The following ELAVL2 variants were observed in gnomAD, a reference collection of about 807,000 sequenced individuals.
ELAVL2 encodes the protein ELAV like RNA binding protein 2, also known as ELAV-like protein 2.
ELAVL2 carries 4 observed loss-of-function variants against 34.6 expected under a neutral mutation model. The observed-to-expected ratio is 0.12, with a 90% CI of 0.06 to 0.26. The LOEUF (loss-of-function observed/expected upper bound fraction) is 0.26. ELAVL2 is among the 10% of genes least tolerant of loss of function. The pLI, the probability that ELAVL2 is intolerant of heterozygous loss-of-function variation, is 1.00. For missense variants in ELAVL2, 432 were observed against 442.8 expected, an observed-to-expected ratio of 0.98 and a Z score of 0.22; for synonymous variants, 193 against 154.8, an observed-to-expected ratio of 1.25 and a Z score of -1.83.
chr9:23,736,334 T>A (rs1564171129), intron 2 of ELAVL2, among the ~76,000 whole-genome samples: 1 of 152,172 alleles, frequency 6.6e-6, no homozygotes. Flanking sequence ...ATTCAATAAC[T>A]ATGGGAACCA....
At chr9:23,834,851 T>A in the ELAVL2 span, among the ~76,000 whole-genome samples, 8 of 152,066 alleles carry the variant, frequency 5.3e-5, no homozygotes, top group African/African-American at 1.7e-4. Flanking sequence ...GTCTTCAAAA[T>A]GGAACTGAGT....
At chr9:23,771,339 C>T (rs1253740584) in intron 1 of ELAVL2, among the ~76,000 whole-genome samples, 2 of 152,038 alleles carry the variant, frequency 1.3e-5, no homozygotes, top group Non-Finnish European at 2.9e-5. Flanking sequence ...ATTTACTATG[C>T]TCTGGACACT....
chr9:23,848,899 T>C, the ELAVL2 span, among the ~76,000 whole-genome samples: 3 of 152,158 alleles, frequency 2.0e-5, no homozygotes, highest in Non-Finnish European at 2.9e-5. Flanking sequence ...GCAGGTCCAT[T>C]CCAATTTAGG....
At chr9:23,808,817 C>T (rs1220304839) in intron 1 of ELAVL2, among the ~76,000 whole-genome samples, 1 of 151,986 alleles carries the variant, frequency 6.6e-6, no homozygotes, top group Admixed American at 6.6e-5. Context: ...GGTAAAGTTC[C>T]AGAAAATTCC....
rs759539991 is a variant in ELAVL2, at chr9:23,692,816, G to C, written c.821C>G (p.Thr274Arg). Residue 274 changes from threonine to arginine, a missense_variant, in exon 7 of 7, where the codon ACA (threonine) becomes AGA (arginine). Thr to Arg is a moderately conservative substitution (Grantham distance 71). This residue lies in a region of ELAVL2 where 295 missense variants were observed against 306.1 expected (regional missense o/e 0.96). Coordinates refer to ENST00000397312, the MANE Select transcript of ELAVL2 (RefSeq NM_004432.5). Reference sequence around the variant, plus strand: ...GTTGTACACAAATATACACCACCCTGTTCCAGGGTGCCCAGGGATATTAAT... The same window carrying C: ...GTTGTACACAAATATACACCACCCTCTTCCAGGGTGCCCAGGGATATTAAT... ...AGINIPGHPG[T>R]GWCIFVYNLA... 1.9e-6 allele frequency: 3 copies of C among 1,614,034 alleles called. No homozygotes were observed. The highest frequency in any genetic ancestry group is 1.7e-6 in the Non-Finnish European group (2 of 1,180,008).
Position 23,762,396 on chromosome 9 carries a change from C to G in ELAVL2, c.-15-147G>C. The G allele has an allele frequency of 5.1e-6, 5 of 979,620 alleles. No individual in the cohort carries two copies. In the Admixed American group the frequency reaches 1.1e-4, roughly 22 times the overall value. The allele number at this position is 979,620 out of a possible 1,614,324, so 60.7% of individuals were successfully genotyped here. ...TTCAACAAAAAGTGTAATACCTACA[C>G]TAATTTTCACTTCATATTAACCTAT... is the stretch of plus-strand genomic sequence containing the variant. On this transcript the variant is annotated intron_variant, in intron 1 of 6. Coordinates refer to ENST00000397312, the MANE Select transcript of ELAVL2 (RefSeq NM_004432.5).
chr9:23,785,854 C>G (rs531858938), intron 1 of ELAVL2, among the ~76,000 whole-genome samples: 4 of 152,148 alleles, frequency 2.6e-5, no homozygotes, highest in Non-Finnish European at 5.9e-5. Context: ...GGGTCCCACT[C>G]AAAAATAAAG....
intron 1 of ELAVL2, among the ~76,000 whole-genome samples, chr9:23,822,559 A>G (rs1353248815): frequency 6.6e-6 from 1 of 152,136 alleles, no homozygotes; most frequent in Non-Finnish European, 1.5e-5. Context: ...CCTTTTCCCC[A>G]GAAAAACCTG....
chr9:23,734,214 A>C (rs1356520050), intron 2 of ELAVL2, among the ~76,000 whole-genome samples: 1 of 152,238 alleles, frequency 6.6e-6, no homozygotes, highest in African/African-American at 2.4e-5. Context: ...GAAAATCTGT[A>C]ATCAAGGCAG....
At chr9:23,770,867 A>T (rs112741954) in intron 1 of ELAVL2, among the ~76,000 whole-genome samples, 4,668 of 152,328 alleles carry the variant, frequency 0.031, 86 homozygotes, top group East Asian at 0.07. Flanking sequence ...AGATATCTAG[A>T]AGAAAAGATT....
At chr9:23,798,906 A>C (rs1436998487) in intron 1 of ELAVL2, among the ~76,000 whole-genome samples, 1 of 152,320 alleles carries the variant, frequency 6.6e-6, no homozygotes, top group East Asian at 1.9e-4. Flanking sequence ...GATAGATATA[A>C]TTACAACCTA....
intron 1 of ELAVL2, among the ~76,000 whole-genome samples, chr9:23,824,435 G>A (rs1279237117): frequency 1.3e-5 from 2 of 152,176 alleles, no homozygotes; most frequent in Admixed American, 1.3e-4. Context: ...GAGGCTGACG[G>A]TGCGCTGGCT....
chr9:23,776,029 G>C (rs1009244345), intron 1 of ELAVL2, among the ~76,000 whole-genome samples: 4 of 152,076 alleles, frequency 2.6e-5, no homozygotes, highest in East Asian at 1.9e-4. Context: ...ATTCAAGGTG[G>C]CAAGTAAAAA....
intron 2 of ELAVL2, among the ~76,000 whole-genome samples, chr9:23,756,227 A>T (rs2135785672): frequency 6.6e-6 from 1 of 152,322 alleles, no homozygotes; most frequent in South Asian, 2.1e-4. Context: ...CATATTAATA[A>T]AAAATATTTT....
intron 1 of ELAVL2, among the ~76,000 whole-genome samples, chr9:23,789,990 C>A (rs896915008): frequency 1.3e-5 from 2 of 151,558 alleles, no homozygotes; most frequent in Admixed American, 1.3e-4. Context: ...ATGCCTGAAA[C>A]CAAAGTTTTC....
chr9:23,782,078 C>G (rs183114057), intron 1 of ELAVL2, among the ~76,000 whole-genome samples: 3 of 152,290 alleles, frequency 2.0e-5, no homozygotes, highest in Non-Finnish European at 4.4e-5. Flanking sequence ...ACCTCAGCCT[C>G]TCAAAGTGCT....
intron 2 of ELAVL2, among the ~76,000 whole-genome samples, chr9:23,736,754 C>T (rs2047993186): frequency 6.6e-6 from 1 of 152,164 alleles, no homozygotes; most frequent in Admixed American, 6.5e-5. Context: ...GCTTAGACTC[C>T]CATTAATTCC....
chr9:23,769,022 C>G (rs1010400474), intron 1 of ELAVL2, among the ~76,000 whole-genome samples: 1 of 151,928 alleles, frequency 6.6e-6, no homozygotes, highest in East Asian at 1.9e-4. Flanking sequence ...AACTTGGTCT[C>G]TACACTTATT....
intron 2 of ELAVL2, among the ~76,000 whole-genome samples, chr9:23,752,220 G>C (rs975238483): frequency 6.6e-6 from 1 of 152,114 alleles, no homozygotes; most frequent in South Asian, 2.1e-4. Flanking sequence ...AGAAACTGAC[G>C]TTCAGAGTCA....
Sources: allele counts gnomAD v4.1 joint callset (sites outside exome capture counted in the v4.1 genomes callset), GRCh38; gene constraint gnomAD v4.1.1; regional missense constraint gnomAD v4.1.1; transcripts MANE v1.5; gene names NCBI Gene and HGNC (gene_info 2026-07-23, HGNC 2026-07-21).